Variants in DDX50 observed in about 807,000 individuals in gnomAD.
DDX50 encodes the protein DExD-box helicase 50.
DDX50 carries 56 observed loss-of-function variants against 94.8 expected under a neutral mutation model. The observed-to-expected ratio is 0.59, with a 90% CI of 0.48 to 0.74. The LOEUF is 0.74. DDX50 is among the 30% of genes least tolerant of loss of function. The pLI, the probability that DDX50 is intolerant of heterozygous loss-of-function variation, is 0.00. For synonymous variants in DDX50, 264 were observed against 295.4 expected (o/e 0.89, Z 1.09); for missense variants, 713 against 881.2 (o/e 0.81, Z 2.42).
chr10:68,935,911 C>A (rs1842395726), intron 10 of DDX50, 95 bp from the exon 11 acceptor site: 3 of 836,570 alleles, frequency 3.6e-6, no homozygotes, highest in Non-Finnish European at 5.5e-6. Flanking sequence ...TCTTTAAATG[C>A]AAGAAATAGA....
chr10:68,902,966 T>TA (rs1417698889), intron 1 of DDX50, among the ~76,000 whole-genome samples: 1 of 152,244 alleles, frequency 6.6e-6, no homozygotes, highest in African/African-American at 2.4e-5. Flanking sequence ...TATCCATCCT[T>TA]ATGTTTCACT....
chr10:68,901,379 C>A lies in DDX50; in HGVS notation c.-6C>A, dbSNP rs779636591. The stretch of plus-strand genomic sequence containing the variant: ...TGTGCCCGGAGGGAGGCGGCGGTGG[C>A]CAGTAATGCCTGGGAAACTCCTCTG... On this transcript the variant is annotated 5_prime_UTR_variant, in exon 1 of 15. Transcript: ENST00000373585. 1.3e-6 allele frequency: 2 copies of A among 1,537,904 alleles called. No individual in the cohort carries two copies. The highest frequency in any genetic ancestry group is 1.8e-6 in the Non-Finnish European group (2 of 1,141,182).
At position 68,919,840 on chromosome 10, in the gene DDX50, C is replaced by T. The variant is rs201478746; in HGVS notation, c.1098C>T (p.Ala366=). Residue 366 remains alanine (A), a synonymous_variant, in exon 8 of 15, where the codon GCC becomes GCT. Transcript: ENST00000373585. ...ATTTTCTTTCTTCAAAGCATTTGGC[C>T]ATCCAGTGTCATTGGTCTCAGAGGC... ...QKAATTVEHL[A]IQCHWSQRPA... The T allele has an allele frequency of 3.9e-5, 63 of 1,612,554 alleles. No homozygotes were observed. In the East Asian group the frequency reaches 1.4e-3, roughly 36 times the overall value.
At position 68,910,365 on chromosome 10, in the gene DDX50, CTA is replaced by C; in HGVS notation, c.446_447del (p.Ile149LysfsTer17). 1 of 1,605,432 alleles carries C rather than the reference CTA, an allele frequency of 6.2e-7. No individual in the cohort carries two copies. Among genetic ancestry groups the C allele is most frequent in the Non-Finnish European group, 8.5e-7 (1 of 1,177,614 alleles). ...TCCAATTTTCCTATTTCTGAAGAGA[CTA>C]TAAAGCTTCTGAAAGGTATGCAGTT... On this transcript the variant is annotated frameshift_variant, in exon 3 of 15. Transcript: ENST00000373585. LOFTEE classifies it high-confidence loss of function.
chr10:68,929,414 T>C (rs1435790172), intron 8 of DDX50, among the ~76,000 whole-genome samples: 2 of 151,048 alleles, frequency 1.3e-5, no homozygotes, highest in Non-Finnish European at 3.0e-5. Flanking sequence ...CTTCCTTCCT[T>C]TCTTTCCTTC....
intron 14 of DDX50, among the ~76,000 whole-genome samples, chr10:68,945,868 TTG>T (rs1359752891): frequency 6.6e-6 from 1 of 152,168 alleles, no homozygotes; most frequent in East Asian, 1.9e-4. Context: ...CCTGTCTGCT[TTG>T]TGCTGAGATA....
chr10:68,945,824 T>A (rs1842657508), intron 14 of DDX50, among the ~76,000 whole-genome samples: 1 of 152,208 alleles, frequency 6.6e-6, no homozygotes, highest in East Asian at 1.9e-4. Context: ...CTTGTCAGTA[T>A]ACCTGCTGAA....
At chr10:68,927,694 T>C (rs1363445430) in intron 8 of DDX50, among the ~76,000 whole-genome samples, 77 of 152,364 alleles carry the variant, frequency 5.1e-4, no homozygotes, top group Admixed American at 5.0e-3. Flanking sequence ...CCCATGCCTA[T>C]TAGCCCAGCA....
chr10:68,905,780 G>A (rs1386219121), intron 1 of DDX50, among the ~76,000 whole-genome samples: 1 of 152,216 alleles, frequency 6.6e-6, no homozygotes, highest in African/African-American at 2.4e-5. Context: ...GGGCATGGTG[G>A]CGTATGCCTG....
At chr10:68,908,638 T>C (rs1341601810) in intron 2 of DDX50, among the ~76,000 whole-genome samples, 17 of 39,982 alleles carry the variant, frequency 4.3e-4, no homozygotes, top group Non-Finnish European at 9.7e-4. Context: ...TAAAATTTCC[T>C]TTTTTTTTTT....
chr10:68,946,792 C>T lies in DDX50; in HGVS notation c.*162C>T. 1 of 868,052 alleles carries T rather than the reference C, an allele frequency of 1.2e-6. No individual in the cohort carries two copies. The highest frequency in any genetic ancestry group is 1.7e-6 in the Non-Finnish European group (1 of 580,426). 53.8% of individuals were successfully genotyped at this position (868,052 alleles called of 1,614,324 possible). A position where few individuals can be genotyped will look rare whatever the true frequency, so the allele number is the denominator to read the frequency against. The stretch of plus-strand genomic sequence containing the variant: ...AGTATTTCACAAGAATGGAACAAAT[C>T]TACTTATCCAGTTATACCTTTGAAT... On this transcript the variant is annotated 3_prime_UTR_variant, in exon 15 of 15. Coordinates refer to ENST00000373585, the MANE Select transcript of DDX50 (RefSeq NM_024045.2).
Position 68,941,007 on chromosome 10 carries a change from A to C in DDX50, c.1756-53A>C, listed in dbSNP as rs529131379. 103 of 1,570,308 alleles carry C rather than the reference A, an allele frequency of 6.6e-5. No individual in the cohort carries two copies. The Admixed American group carries it at 2.0e-3, about 31-fold the overall frequency. ...TGAAGGATTATAGAGTTAGAATTTC[A>C]TTGTACTGCTGCTGATTTATTTCCA... On this transcript the variant is annotated intron_variant, in intron 12 of 14. Transcript: ENST00000373585.
chr10:68,913,438 C>G lies in DDX50; in HGVS notation c.805C>G (p.Arg269Gly). Residue 269 changes from arginine to glycine, a missense_variant, in exon 6 of 15, where the codon CGT becomes GGT. By Grantham distance (125) the Arg-to-Gly change is moderately radical. Around this residue, in one of 2 missense-constraint regions of DDX50, gnomAD observed 428 missense variants for 602.3 expected, o/e 0.71. Transcript: ENST00000373585. ...GIDILVGTPG[R>G]IKDHLQSGRL... The stretch of plus-strand genomic sequence containing the variant: ...TGACATCTTGGTTGGAACACCTGGT[C>G]GTATCAAAGACCATCTGCAGAGTGG... The G allele has an allele frequency of 6.2e-7, 1 of 1,613,972 alleles. No homozygotes were observed. The highest frequency in any genetic ancestry group is 1.1e-5 in the South Asian group (1 of 91,006).
intron 1 of DDX50, among the ~76,000 whole-genome samples, chr10:68,905,166 C>T (rs1841408783): frequency 6.6e-6 from 1 of 152,112 alleles, no homozygotes; most frequent in South Asian, 2.1e-4. Flanking sequence ...TCCGCCCAAC[C>T]TCGCCCCCCC....
chr10:68,905,832 G>C (rs748987523), intron 1 of DDX50, among the ~76,000 whole-genome samples: 1 of 152,210 alleles, frequency 6.6e-6, no homozygotes, highest in Non-Finnish European at 1.5e-5. Context: ...AGAATCACTT[G>C]AACCCGGGAG....
intron 8 of DDX50, among the ~76,000 whole-genome samples, chr10:68,926,816 A>G (rs1038948167): frequency 1.3e-5 from 2 of 149,398 alleles, no homozygotes; most frequent in African/African-American, 2.6e-5. Context: ...CACTTTTGGA[A>G]AAAAAAATTA....
intron 3 of DDX50, among the ~76,000 whole-genome samples, chr10:68,910,640 A>T (rs540263131): frequency 2.4e-4 from 37 of 152,120 alleles, no homozygotes; most frequent in Non-Finnish European, 3.1e-4. Context: ...TGACCTCCTG[A>T]TCTGTTCCAG....
intron 14 of DDX50, among the ~76,000 whole-genome samples, chr10:68,943,909 A>G (rs535763542): frequency 3.0e-4 from 45 of 152,202 alleles, no homozygotes; most frequent in Non-Finnish European, 4.4e-4. Context: ...TTTCAAACAT[A>G]TTTTTTAGAT....
intron 8 of DDX50, among the ~76,000 whole-genome samples, chr10:68,920,700 C>T (rs1302045774): frequency 6.6e-6 from 1 of 151,750 alleles, no homozygotes; most frequent in Non-Finnish European, 1.5e-5. Flanking sequence ...AATCCCAGCA[C>T]TTTGGGAGGC....
Sources: allele counts gnomAD v4.1 joint callset (sites outside exome capture counted in the v4.1 genomes callset), GRCh38; gene constraint gnomAD v4.1.1; regional missense constraint gnomAD v4.1.1; transcripts MANE v1.5; gene names NCBI Gene and HGNC (gene_info 2026-07-23, HGNC 2026-07-21).